WIPI1: variants seen among roughly 807,000 people sequenced by gnomAD.
WIPI1 encodes WD repeat domain phosphoinositide-interacting protein 1.
Under a neutral mutation model 55.3 loss-of-function variants are expected in WIPI1, and 45 were observed. The observed-to-expected ratio is 0.81, with a 90% confidence interval of 0.64 to 1.04. The LOEUF (loss-of-function observed/expected upper bound fraction) is 1.04. Among genes scored for constraint, WIPI1 ranks in the 50% least tolerant of loss-of-function variants. WIPI1 has a pLI of 0.00. For synonymous variants in WIPI1, 195 were observed against 217.6 expected (o/e 0.90, Z 0.92); for missense variants, 445 against 559.0 (o/e 0.80, Z 2.06).
chr17:68,441,454 T>C (rs1767099511), intron 4 of WIPI1, among the ~76,000 whole-genome samples: 1 of 152,214 alleles, frequency 6.6e-6, no homozygotes, highest in South Asian at 2.1e-4. Context: ...CAAGGATTTA[T>C]AAAATCAACA....
intron 8 of WIPI1, among the ~76,000 whole-genome samples, chr17:68,433,027 C>A (rs902664777): frequency 6.6e-6 from 1 of 152,168 alleles, no homozygotes; most frequent in Non-Finnish European, 1.5e-5. Context: ...GCTTCCCAAG[C>A]GCTCAGTGGT....
chr17:68,456,485 C>T (rs945441712), intron 1 of WIPI1, among the ~76,000 whole-genome samples: 2 of 140,998 alleles, frequency 1.4e-5, no homozygotes, highest in African/African-American at 5.3e-5. Flanking sequence ...CCAGGGCTCG[C>T]TTCCATGAAA....
rs556777098 is a variant in WIPI1 at position 68,433,760 on chromosome 17, G to GTTTTTTTTTTTTTTTTT, written c.693-202_693-186dup. Reference sequence around the variant, plus strand: ...TCAGAAAGATTCACAAAGGGTCATAGTTTTTTTTTTTTTTTTTTTTTTTTT... The same window carrying GTTTTTTTTTTTTTTTTT: ...TCAGAAAGATTCACAAAGGGTCATAGTTTTTTTTTTTTTTTTTTTTTTTTTTTTTTTTTTTTTTTTTT... On this transcript the variant is annotated intron_variant, in intron 7 of 12. Coordinates refer to ENST00000262139, the MANE Select transcript of WIPI1 (RefSeq NM_017983.7). Among the ~76,000 whole-genome samples, 3 of 72,814 alleles carry GTTTTTTTTTTTTTTTTT rather than the reference G, an allele frequency of 4.1e-5. 1 individual carries two copies. The highest frequency in any genetic ancestry group is 2.0e-4 in the African/African-American group (3 of 15,244). The allele number at this position is 72,814 out of a possible 152,430, so 47.8% of individuals were successfully genotyped here. A position where few individuals can be genotyped will look rare whatever the true frequency, so the allele number is the denominator to read the frequency against.
At chr17:68,450,227 T>G (rs2084444938) in intron 3 of WIPI1, among the ~76,000 whole-genome samples, 1 of 152,184 alleles carries the variant, frequency 6.6e-6, no homozygotes, top group South Asian at 2.1e-4. Context: ...CAAGGCTGAA[T>G]AGCAGACCTT....
At chr17:68,437,012 A>ATGTGTG (rs1568637117) in intron 4 of WIPI1, among the ~76,000 whole-genome samples, 11 of 82,074 alleles carry the variant, frequency 1.3e-4, no homozygotes, top group African/African-American at 5.3e-4. Context: ...AAAAATATAT[A>ATGTGTG]TATATGTGTG....
intron 11 of WIPI1, 79 bp from the exon 12 acceptor site, chr17:68,426,254 G>GGCCCCCCCCCCCCCC: frequency 3.7e-6 from 3 of 816,900 alleles, no homozygotes; most frequent in Non-Finnish European, 5.8e-6. Flanking sequence ...GGGAGCGGGG[G>GGCCCCCCCCCCCCCC]CTCAAATAAA....
chr17:68,442,408 T>C (rs1490173620), intron 4 of WIPI1, among the ~76,000 whole-genome samples: 1 of 145,650 alleles, frequency 6.9e-6, no homozygotes, highest in East Asian at 2.0e-4. Context: ...AAGGTTGCAG[T>C]GAGCTGAGAT....
chr17:68,447,287 T>C (rs930443364), intron 3 of WIPI1, among the ~76,000 whole-genome samples: 1 of 152,224 alleles, frequency 6.6e-6, no homozygotes, highest in Non-Finnish European at 1.5e-5. Flanking sequence ...CTTGATTCCA[T>C]AAAATATATT....
chr17:68,453,479 CTT>C (rs112934024), intron 1 of WIPI1, among the ~76,000 whole-genome samples: 22 of 136,136 alleles, frequency 1.6e-4, no homozygotes, highest in Admixed American at 2.9e-4. Context: ...TTTTCTTTTC[CTT>C]TTTTTTTTTT....
chr17:68,434,453 G>T, intron 7 of WIPI1, 103 bp downstream of exon 7: 1 of 1,184,598 alleles, frequency 8.4e-7, no homozygotes, highest in Non-Finnish European at 1.2e-6. Context: ...CCAGGTGAGT[G>T]GAGGGCACAG....
Position 68,421,454 on chromosome 17 carries a change from G to A in WIPI1, c.*319C>T, listed in dbSNP as rs900845172. Reference sequence around the variant, plus strand: ...GTTCCTATAAGTACATTTTTTACACGGCATATATTTAAAAAGGAGGCCCCT... The same window carrying A: ...GTTCCTATAAGTACATTTTTTACACAGCATATATTTAAAAAGGAGGCCCCT... On this transcript the variant is annotated 3_prime_UTR_variant, in exon 13 of 13. Coordinates refer to ENST00000262139, the MANE Select transcript of WIPI1 (RefSeq NM_017983.7). 39 of 329,942 alleles carry A rather than the reference G, an allele frequency of 1.2e-4. No homozygotes were observed. The highest frequency in any genetic ancestry group is 9.0e-4 in the Middle Eastern group (1 of 1,112). The allele number at this position is 329,942 out of a possible 1,614,324, so 20.4% of individuals were successfully genotyped here.
chr17:68,421,786 G>A lies in WIPI1; in HGVS notation c.1328C>T (p.Thr443Met), dbSNP rs747386653. 89 of 1,614,044 alleles carry A rather than the reference G, an allele frequency of 5.5e-5. No individual in the cohort carries two copies. Among genetic ancestry groups the A allele is most frequent in the Non-Finnish European group, 6.4e-5 (75 of 1,180,028 alleles). ...GTGTGCTTCTCATCATGACTGCTTC[G>A]TTTTGCCCTTCTGATTTCCACGGCA... is the stretch of plus-strand genomic sequence containing the variant. ...ILCRGNQKGK[T>M]KQS The change falls in exon 13 of 13, where the codon ACG becomes ATG. Residue 443 changes from threonine (T) to methionine (M), a missense_variant. Thr to Met is a moderately conservative substitution (Grantham distance 81, BLOSUM62 -1). Coordinates refer to ENST00000262139, the MANE Select transcript of WIPI1 (RefSeq NM_017983.7).
chr17:68,435,764 G>A, intron 5 of WIPI1, 52 bp from the exon 6 acceptor site: 3 of 1,508,378 alleles, frequency 2.0e-6, no homozygotes, highest in Non-Finnish European at 2.8e-6. Flanking sequence ...AGGGAAGATG[G>A]ATTTCACCTC....
chr17:68,427,738 A>C (rs2083292902), intron 10 of WIPI1, among the ~76,000 whole-genome samples: 1 of 152,234 alleles, frequency 6.6e-6, no homozygotes, highest in Admixed American at 6.5e-5. Context: ...CTAGACAAAG[A>C]TTAGTCCTCT....
At chr17:68,432,235 T>C (rs2083562720) in intron 8 of WIPI1, among the ~76,000 whole-genome samples, 1 of 152,116 alleles carries the variant, frequency 6.6e-6, no homozygotes, top group Non-Finnish European at 1.5e-5. Flanking sequence ...ACAAGGATTC[T>C]AGAGATGAGG....
At chr17:68,441,486 C>G (rs1331789024) in intron 4 of WIPI1, among the ~76,000 whole-genome samples, 5 of 152,190 alleles carry the variant, frequency 3.3e-5, no homozygotes, top group African/African-American at 4.8e-5. Flanking sequence ...CATCTTATTT[C>G]TTTGTTCAGA....
intron 7 of WIPI1, 69 bp downstream of exon 7, chr17:68,434,487 G>C (rs2083687136): frequency 1.3e-6 from 2 of 1,555,872 alleles, no homozygotes; most frequent in Admixed American, 1.7e-5. Flanking sequence ...CCTCTCCCTA[G>C]ACAGCTGCCA....
chr17:68,445,883 G>A (rs1010760481), intron 3 of WIPI1, among the ~76,000 whole-genome samples: 5 of 152,024 alleles, frequency 3.3e-5, no homozygotes, highest in Non-Finnish European at 5.9e-5. Flanking sequence ...TGCCCAAGGA[G>A]CTGCCCAAGG....
chr17:68,436,993 C>CAA (rs139267277), intron 4 of WIPI1, among the ~76,000 whole-genome samples: 1 of 124,672 alleles, frequency 8.0e-6, no homozygotes, highest in African/African-American at 2.8e-5. Context: ...GACCCCGTCT[C>CAA]AAAAAAAAAA....
Sources: gnomAD v4.1 joint callset for allele counts (sites outside exome capture counted in the v4.1 genomes callset) on GRCh38, gnomAD v4.1.1 for gene constraint, MANE v1.5 for transcripts, NCBI Gene and HGNC (gene_info 2026-07-23, HGNC 2026-07-21) for gene names.